MTMR12: variants seen among roughly 807,000 people sequenced by gnomAD.
MTMR12 encodes myotubularin-related protein 12.
Under a neutral mutation model 96.7 loss-of-function variants are expected in MTMR12, and 33 were observed. That is an observed-to-expected ratio of 0.34 (90% CI 0.26 to 0.46). The LOEUF (loss-of-function observed/expected upper bound fraction) is 0.46, where lower values mean the gene tolerates loss of function less well. Among genes scored for constraint, MTMR12 ranks in the 20% least tolerant of loss-of-function variants. MTMR12 has a pLI of 1.00. For missense variants in MTMR12, 721 were observed against 896.1 expected, an observed-to-expected ratio of 0.80 and a Z score of 2.49; for synonymous variants, 298 against 327.2, an observed-to-expected ratio of 0.91 and a Z score of 0.96.
intron 10 of MTMR12, among the ~76,000 whole-genome samples, chr5:32,244,733 AAG>A (rs1354782922): frequency 2.6e-5 from 4 of 152,264 alleles, no homozygotes; most frequent in African/African-American, 9.6e-5. Flanking sequence ...AGTTTGAGTT[AAG>A]AGTCATACAT....
chr5:32,278,989 T>C (rs1266152039), intron 1 of MTMR12, among the ~76,000 whole-genome samples: 1 of 140,284 alleles, frequency 7.1e-6, no homozygotes, highest in East Asian at 2.1e-4. Context: ...GGCAGGAGAA[T>C]CACTTGAACC....
chr5:32,300,817 C>G (rs1043348100), intron 1 of MTMR12, among the ~76,000 whole-genome samples: 2 of 152,200 alleles, frequency 1.3e-5, no homozygotes, highest in East Asian at 3.8e-4. Context: ...GCTCACACCT[C>G]TAATCCCAGC....
chr5:32,235,397 T>G (rs1401892984), intron 13 of MTMR12, among the ~76,000 whole-genome samples: 1 of 152,224 alleles, frequency 6.6e-6, no homozygotes, highest in Non-Finnish European at 1.5e-5. Context: ...CAGATGAGCA[T>G]CTGCAATTGA....
intron 1 of MTMR12, among the ~76,000 whole-genome samples, chr5:32,286,345 A>C (rs1181377690): frequency 6.6e-6 from 1 of 152,032 alleles, no homozygotes; most frequent in African/African-American, 2.4e-5. Flanking sequence ...TCTCCAAAAA[A>C]TAAATAATAA....
At chr5:32,304,785 T>G (rs906516642) in intron 1 of MTMR12, among the ~76,000 whole-genome samples, 2 of 152,188 alleles carry the variant, frequency 1.3e-5, no homozygotes, top group Admixed American at 1.3e-4. Context: ...CTGCAGGAAG[T>G]GCTGCTTGAC....
chr5:32,276,753 A>G lies in MTMR12; in HGVS notation c.82-11T>C. The G allele has an allele frequency of 6.2e-7, 1 of 1,610,400 alleles. No homozygotes were observed. Among genetic ancestry groups the G allele is most frequent in the Non-Finnish European group, 8.5e-7 (1 of 1,176,792 alleles). On this transcript the variant is annotated splice_polypyrimidine_tract_variant and intron_variant, in intron 1 of 15. Coordinates refer to ENST00000382142, the MANE Select transcript of MTMR12 (RefSeq NM_001040446.3). Reference sequence around the variant, plus strand: ...GTTTGTGTGAATTTCCTAAAAGAGAAGAGCAAAGGATATTTTTCTTTGTTT... The same window carrying G: ...GTTTGTGTGAATTTCCTAAAAGAGAGGAGCAAAGGATATTTTTCTTTGTTT...
intron 1 of MTMR12, among the ~76,000 whole-genome samples, chr5:32,300,460 T>C (rs903414389): frequency 4.6e-5 from 7 of 152,058 alleles, no homozygotes; most frequent in African/African-American, 1.7e-4. Flanking sequence ...CTTGTTTCCA[T>C]CCCCAGACTC....
chr5:32,268,885 T>C (rs1749712304), intron 5 of MTMR12, 91 bp from the exon 6 acceptor site: 3 of 984,368 alleles, frequency 3.0e-6, no homozygotes, highest in African/African-American at 3.2e-5. Flanking sequence ...TTCTTAGTCA[T>C]GCCAAAGGGG....
chr5:32,304,175 CCAGGCGTGG>C (rs1298029202), intron 1 of MTMR12, among the ~76,000 whole-genome samples: 1 of 152,156 alleles, frequency 6.6e-6, no homozygotes, highest in East Asian at 1.9e-4. Flanking sequence ...CAAAAATCAG[CCAGGCGTGG>C]TGGCACGTGC....
chr5:32,284,317 CAA>C lies in MTMR12; in HGVS notation c.82-7577_82-7576del, dbSNP rs57597487. 4.0e-3 allele frequency among the ~76,000 whole-genome samples: 189 copies of C among 47,256 alleles called. 1 individual carries two copies. The highest frequency in any genetic ancestry group is 0.013 in the African/African-American group (174 of 13,704). The allele number at this position is 47,256 out of a possible 152,430, so 31.0% of individuals were successfully genotyped here. A position where few individuals can be genotyped will look rare whatever the true frequency, so the allele number is the denominator to read the frequency against. ...TGGGTGACAGAACAAGACCCTGTCT[CAA>C]AAAAAAAAAAAAAAAAAAAGAATAG... On this transcript the variant is annotated intron_variant, in intron 1 of 15. Coordinates refer to ENST00000382142, the MANE Select transcript of MTMR12 (RefSeq NM_001040446.3).
At chr5:32,268,611 C>T (rs1224755707) in intron 6 of MTMR12, 90 bp downstream of exon 6, 2 of 1,040,776 alleles carry the variant, frequency 1.9e-6, no homozygotes, top group Non-Finnish European at 2.9e-6. Flanking sequence ...AAAAACAAAA[C>T]AACCCATAGA....
chr5:32,276,948 C>T (rs893505865), intron 1 of MTMR12, among the ~76,000 whole-genome samples: 1 of 121,220 alleles, frequency 8.2e-6, no homozygotes, highest in Non-Finnish European at 1.6e-5. Context: ...TGCAGTGGCA[C>T]GATCTCAGCT....
In MTMR12 at chr5:32,268,706, T is replaced by C; in HGVS notation, c.578A>G (p.Asn193Ser). The change falls in exon 6 of 16, where the codon AAT becomes AGT. Residue 193 changes from asparagine (N) to serine (S), a missense_variant. Physicochemically the swap from Asn to Ser is conservative, Grantham distance 46. Coordinates refer to ENST00000382142, the MANE Select transcript of MTMR12 (RefSeq NM_001040446.3). ...LFSYATAAQN[N>S]TVTDPKNHTV... is the part of the protein sequence containing the mutation. ...AGAACCCAGAAGATATTTACCTGTA[T>C]TGTTTTGTGCAGCAGTCGCATAGGA... 1.2e-6 allele frequency: 2 copies of C among 1,612,748 alleles called. No individual in the cohort carries two copies. The highest frequency in any genetic ancestry group is 1.7e-6 in the Non-Finnish European group (2 of 1,178,746).
intron 10 of MTMR12, among the ~76,000 whole-genome samples, chr5:32,244,856 G>A (rs1488888688): frequency 6.6e-6 from 1 of 152,044 alleles, no homozygotes; most frequent in Non-Finnish European, 1.5e-5. Flanking sequence ...GTGAAAACAT[G>A]GAATTAAAAG....
intron 8 of MTMR12, among the ~76,000 whole-genome samples, chr5:32,251,464 ATCAGAG>A (rs1007839163): frequency 6.6e-6 from 1 of 152,228 alleles, no homozygotes; most frequent in African/African-American, 2.4e-5. Flanking sequence ...AGACAATGTC[ATCAGAG>A]TCAAACACTG....
At chr5:32,246,215 G>GGAGA (rs1204838932) in intron 10 of MTMR12, among the ~76,000 whole-genome samples, 1 of 140,268 alleles carries the variant, frequency 7.1e-6, no homozygotes, top group African/African-American at 2.7e-5. Context: ...CACCCAAGCT[G>GGAGA]GAGAGCAGTA....
intron 1 of MTMR12, among the ~76,000 whole-genome samples, chr5:32,291,771 T>G (rs1750744956): frequency 6.6e-6 from 1 of 152,188 alleles, no homozygotes; most frequent in South Asian, 2.1e-4. Flanking sequence ...AGTGCCCAGT[T>G]TGCCAGCAGC....
At chr5:32,282,420 A>AAAAT (rs202223564) in intron 1 of MTMR12, among the ~76,000 whole-genome samples, 20,483 of 144,954 alleles carry the variant, frequency 0.14, 1,608 homozygotes, top group Non-Finnish European at 0.18. Context: ...GACTCCATCT[A>AAAAT]AAATAAATAA....
In MTMR12 at chr5:32,248,333, A is replaced by T. The variant is rs114771751; in HGVS notation, c.897-207T>A. On this transcript the variant is annotated intron_variant, in intron 9 of 15. Transcript: ENST00000382142. The stretch of plus-strand genomic sequence containing the variant: ...AAGTAAAACTGCCTGGCCCAAGATC[A>T]TCCAATTTATAAACTGATAGAACCA... Among the ~76,000 whole-genome samples the T allele has an allele frequency of 3.0e-3, 460 of 152,332 alleles. 3 individuals are homozygous for T. Among genetic ancestry groups the T allele is most frequent in the African/African-American group, 0.011 (447 of 41,576 alleles).
Sources: gnomAD v4.1 joint callset for allele counts (sites outside exome capture counted in the v4.1 genomes callset) on GRCh38, gnomAD v4.1.1 for gene constraint, MANE v1.5 for transcripts, NCBI Gene and HGNC (gene_info 2026-07-23, HGNC 2026-07-21) for gene names.